Variants in TOP6BL observed in about 807,000 individuals in gnomAD.
TOP6BL encodes TOP6B like initiator of meiotic double strand breaks, also known as type 2 DNA topoisomerase 6 subunit B-like.
the TOP6BL span, among the ~76,000 whole-genome samples, chr11:66,747,347 C>T: frequency 1.3e-5 from 2 of 151,862 alleles, no homozygotes; most frequent in East Asian, 3.9e-4. Flanking sequence ...TAAGCATTTG[C>T]TATTTGCCAA....
At chr11:66,747,423 CCTCA>C in the TOP6BL span, among the ~76,000 whole-genome samples, 1 of 150,724 alleles carries the variant, frequency 6.6e-6, no homozygotes, top group Non-Finnish European at 1.5e-5. Context: ...AGAGATGGGG[CCTCA>C]CTATGTTTCC....
At chr11:66,832,987 A>G in the TOP6BL span, among the ~76,000 whole-genome samples, 6 of 151,028 alleles carry the variant, frequency 4.0e-5, no homozygotes, top group Non-Finnish European at 7.4e-5. Context: ...CATAACTCCA[A>G]ACTGTAACTC....
the TOP6BL span, chr11:66,821,903 C>T: frequency 9.5e-7 from 1 of 1,053,594 alleles, no homozygotes; most frequent in South Asian, 1.6e-5. Context: ...GATCTTGTAA[C>T]ACTGCATCTA....
At chr11:66,829,952 T>C in the TOP6BL span, among the ~76,000 whole-genome samples, 2 of 152,048 alleles carry the variant, frequency 1.3e-5, no homozygotes, top group Non-Finnish European at 2.9e-5. Context: ...TAAGGAGAAA[T>C]AGACAAATCC....
chr11:66,748,677 A>C, the TOP6BL span, among the ~76,000 whole-genome samples: 14 of 152,326 alleles, frequency 9.2e-5, no homozygotes, highest in African/African-American at 3.4e-4. Flanking sequence ...TGGTAGATTT[A>C]CAAATGTATC....
the TOP6BL span, among the ~76,000 whole-genome samples, chr11:66,827,942 G>A: frequency 7.5e-6 from 1 of 132,452 alleles, no homozygotes; most frequent in Non-Finnish European, 1.6e-5. Context: ...TCCAGCCTGG[G>A]TGACAGAGCA....
At chr11:66,792,821 C>G in the TOP6BL span, among the ~76,000 whole-genome samples, 5 of 152,140 alleles carry the variant, frequency 3.3e-5, no homozygotes, top group Non-Finnish European at 7.3e-5. Context: ...ATAATTAGCC[C>G]TCTCTATGAT....
At chr11:66,747,922 A>G in the TOP6BL span, among the ~76,000 whole-genome samples, 2 of 152,180 alleles carry the variant, frequency 1.3e-5, no homozygotes, top group Admixed American at 1.3e-4. Flanking sequence ...GCAGGGCAGC[A>G]TTAGCACTCT....
At chr11:66,760,753 G>A in the TOP6BL span, among the ~76,000 whole-genome samples, 1 of 148,656 alleles carries the variant, frequency 6.7e-6, no homozygotes, top group South Asian at 2.1e-4. Context: ...GTAGTAAGCC[G>A]TGATCACACA....
chr11:66,826,479 A>G, the TOP6BL span, among the ~76,000 whole-genome samples: 3 of 152,326 alleles, frequency 2.0e-5, no homozygotes, highest in East Asian at 5.8e-4. Context: ...AAATTTCTAT[A>G]AATGGAGTTA....
chr11:66,763,850 C>T, the TOP6BL span, among the ~76,000 whole-genome samples: 1 of 152,202 alleles, frequency 6.6e-6, no homozygotes, highest in Non-Finnish European at 1.5e-5. Flanking sequence ...CTCAAGCTCT[C>T]ATGCAACAGC....
chr11:66,831,320 C>T, the TOP6BL span, among the ~76,000 whole-genome samples: 2 of 152,152 alleles, frequency 1.3e-5, no homozygotes, highest in African/African-American at 4.8e-5. Flanking sequence ...CTTCATGGCA[C>T]TTTTGTTATA....
the TOP6BL span, among the ~76,000 whole-genome samples, chr11:66,786,942 T>G: frequency 1.3e-5 from 2 of 151,658 alleles, no homozygotes; most frequent in Non-Finnish European, 1.5e-5. Flanking sequence ...GTTTTGTTTT[T>G]TTTTTTTTGA....
the TOP6BL span, among the ~76,000 whole-genome samples, chr11:66,813,379 G>A: frequency 6.6e-6 from 1 of 152,078 alleles, no homozygotes; most frequent in Non-Finnish European, 1.5e-5. Flanking sequence ...AAATTTCTGG[G>A]GATCCTAGTG....
the TOP6BL span, among the ~76,000 whole-genome samples, chr11:66,755,018 A>G: frequency 2.0e-5 from 3 of 152,066 alleles, no homozygotes; most frequent in Non-Finnish European, 4.4e-5. Flanking sequence ...CAATTTTATT[A>G]TATAAATCAG....
At chr11:66,771,790 G>A in the TOP6BL span, 1 of 153,402 alleles carries the variant, frequency 6.5e-6, no homozygotes, top group Non-Finnish European at 1.5e-5. Context: ...AGGGCAGTTG[G>A]AGGCTGGAAG....
chr11:66,791,881 G>C, the TOP6BL span, among the ~76,000 whole-genome samples: 1 of 150,586 alleles, frequency 6.6e-6, no homozygotes, highest in Non-Finnish European at 1.5e-5. Context: ...GTAGTGGCGC[G>C]ATCTCAGCTC....
the TOP6BL span, among the ~76,000 whole-genome samples, chr11:66,827,967 A>G: frequency 3.4e-4 from 23 of 67,714 alleles, no homozygotes; most frequent in African/African-American, 1.2e-3. Context: ...TCTGTCTCAG[A>G]AAAAAAAAAA....
chr11:66,762,340 G>T, the TOP6BL span: 25 of 386,282 alleles, frequency 6.5e-5, no homozygotes, highest in South Asian at 5.5e-4. Context: ...CCCCGGGGGT[G>T]TGGAAGCCGG....
Sources: allele counts gnomAD v4.1 joint callset (sites outside exome capture counted in the v4.1 genomes callset), GRCh38; gene constraint gnomAD v4.1.1; transcripts MANE v1.5; gene names NCBI Gene and HGNC (gene_info 2026-07-23, HGNC 2026-07-21).